CHSY3: variants seen among roughly 807,000 people sequenced by gnomAD.
CHSY3 encodes the protein N-acetylgalactosaminyl-proteoglycan 3-beta-glucuronosyltransferase 3.
In CHSY3, 35 loss-of-function variants were observed where a neutral mutation model predicts 67.2. The ratio of observed to expected loss-of-function variants is 0.52; its 90% confidence interval spans 0.40 to 0.69. The LOEUF (loss-of-function observed/expected upper bound fraction) is 0.69, where lower values mean the gene tolerates loss of function less well. CHSY3 is among the 30% of genes least tolerant of loss of function. The pLI, the probability that CHSY3 is intolerant of heterozygous loss-of-function variation, is 0.00. For missense variants in CHSY3, 1,069 were observed against 1,138.5 expected (o/e 0.94, Z 0.88); for synonymous variants, 474 against 434.7 (o/e 1.09, Z -1.12).
In CHSY3 at chr5:130,022,699, C is replaced by T. The variant is rs1764428496; in HGVS notation, c.1086+114339C>T. On this transcript the variant is annotated intron_variant, in intron 2 of 2. Coordinates refer to ENST00000305031, the MANE Select transcript of CHSY3 (RefSeq NM_175856.5). ...TTAATGATTTTACATTTAACAGTTGCTAATTTATTCAGATACCTTCCATGA... is the reference window on the plus strand; with the variant it reads ...TTAATGATTTTACATTTAACAGTTGTTAATTTATTCAGATACCTTCCATGA... 2.0e-5 allele frequency among the ~76,000 whole-genome samples: 3 copies of T among 151,906 alleles called. No homozygotes were observed. The South Asian group carries it at 6.2e-4, about 31-fold the overall frequency.
chr5:130,022,167 G>C (rs994657798), intron 2 of CHSY3, among the ~76,000 whole-genome samples: 4 of 151,932 alleles, frequency 2.6e-5, no homozygotes, highest in Admixed American at 2.0e-4. Flanking sequence ...CTATACCCAG[G>C]GGATTAATGA....
chr5:130,109,693 T>C (rs934526786), intron 2 of CHSY3, among the ~76,000 whole-genome samples: 1 of 146,258 alleles, frequency 6.8e-6, no homozygotes, highest in South Asian at 2.1e-4. Context: ...AGGAGAGTAA[T>C]TTTTTTTTTA....
intron 2 of CHSY3, among the ~76,000 whole-genome samples, chr5:130,029,951 G>A (rs1764659505): frequency 6.6e-6 from 1 of 152,056 alleles, no homozygotes; most frequent in Admixed American, 6.6e-5. Flanking sequence ...AGAAGTAGTG[G>A]ATTATACCTT....
chr5:130,088,409 A>G (rs1309079786), intron 2 of CHSY3, among the ~76,000 whole-genome samples: 2 of 151,030 alleles, frequency 1.3e-5, no homozygotes, highest in Non-Finnish European at 2.9e-5. Context: ...TCTGCACAGC[A>G]AAAGAAATTA....
chr5:130,161,499 T>A (rs1038891185), intron 2 of CHSY3, among the ~76,000 whole-genome samples: 6 of 152,196 alleles, frequency 3.9e-5, no homozygotes, highest in African/African-American at 1.4e-4. Flanking sequence ...CTTTCTGGAA[T>A]TGCATTCTAT....
rs561516162 is a variant in CHSY3 at position 129,939,094 on chromosome 5, A to G, written c.1086+30734A>G. Among the ~76,000 whole-genome samples the G allele has an allele frequency of 9.8e-4, 149 of 152,272 alleles. 1 individual carries two copies. The highest frequency in any genetic ancestry group is 7.7e-3 in the East Asian group (40 of 5,186). ...TTGGGGAGCCCTCAGGAAACTTACA[A>G]TCATGCCAGAAGCTTACAGGGAAGT... is the stretch of plus-strand genomic sequence containing the variant. On this transcript the variant is annotated intron_variant, in intron 2 of 2. Transcript: ENST00000305031.
At chr5:129,983,382 C>A (rs1763076958) in intron 2 of CHSY3, among the ~76,000 whole-genome samples, 1 of 151,954 alleles carries the variant, frequency 6.6e-6, no homozygotes, top group Non-Finnish European at 1.5e-5. Flanking sequence ...CCTCCTACAT[C>A]CATATTTGTC....
intron 2 of CHSY3, among the ~76,000 whole-genome samples, chr5:130,120,921 T>G (rs1487615570): frequency 6.6e-6 from 1 of 152,198 alleles, no homozygotes; most frequent in East Asian, 1.9e-4. Flanking sequence ...ATGGACCACC[T>G]TGAAGAAGAG....
intron 2 of CHSY3, among the ~76,000 whole-genome samples, chr5:130,014,017 G>A (rs1475035728): frequency 1.3e-5 from 2 of 152,132 alleles, no homozygotes; most frequent in Admixed American, 1.3e-4. Context: ...TATCCCTAAA[G>A]CACTGCACAA....
chr5:130,080,936 G>A (rs902906010), intron 2 of CHSY3, among the ~76,000 whole-genome samples: 3 of 152,038 alleles, frequency 2.0e-5, no homozygotes, highest in East Asian at 1.9e-4. Context: ...TGATTACTCC[G>A]CCACACAATG....
rs1018024145 is a variant in CHSY3, at chr5:130,185,993, T to G, written c.*202T>G. On this transcript the variant is annotated 3_prime_UTR_variant, in exon 3 of 3. Transcript: ENST00000305031. Reference sequence around the variant, plus strand: ...GAAGAGTCTGCAGTTCACTGATGTTTCAGATTTCTACTGAAGTCAATATGT... The same window carrying G: ...GAAGAGTCTGCAGTTCACTGATGTTGCAGATTTCTACTGAAGTCAATATGT... 3.1e-6 allele frequency: 1 copy of G among 324,848 alleles called. No homozygotes were observed. Among genetic ancestry groups the G allele is most frequent in the African/African-American group, 2.1e-5 (1 of 46,950 alleles). The allele number at this position is 324,848 out of a possible 1,614,324, so 20.1% of individuals were successfully genotyped here. A position where few individuals can be genotyped will look rare whatever the true frequency, so the allele number is the denominator to read the frequency against.
At chr5:130,054,644 A>C (rs891860927) in intron 2 of CHSY3, among the ~76,000 whole-genome samples, 3 of 152,182 alleles carry the variant, frequency 2.0e-5, no homozygotes, top group African/African-American at 7.2e-5. Flanking sequence ...ACAGGGTTTC[A>C]TGGGAATTAA....
At chr5:130,005,008 T>C (rs1763835443) in intron 2 of CHSY3, among the ~76,000 whole-genome samples, 1 of 152,092 alleles carries the variant, frequency 6.6e-6, no homozygotes, top group Non-Finnish European at 1.5e-5. Context: ...TAAAAGTATA[T>C]CATTTGAGGA....
chr5:130,004,535 T>C (rs1344821985), intron 2 of CHSY3, among the ~76,000 whole-genome samples: 1 of 152,182 alleles, frequency 6.6e-6, no homozygotes. Flanking sequence ...CTGTTTGTAT[T>C]TGTTGATAGT....
intron 2 of CHSY3, among the ~76,000 whole-genome samples, chr5:130,085,329 A>C (rs1766579669): frequency 6.6e-6 from 1 of 152,070 alleles, no homozygotes; most frequent in South Asian, 2.1e-4. Flanking sequence ...GCAGCCTTGA[A>C]AATATTACAA....
chr5:129,968,462 A>G (rs1305659742), intron 2 of CHSY3, among the ~76,000 whole-genome samples: 12 of 151,866 alleles, frequency 7.9e-5, no homozygotes, highest in Non-Finnish European at 1.6e-4. Context: ...TACAAAATGT[A>G]TTGTTCTACA....
At chr5:130,169,246 C>T (rs1459436220) in intron 2 of CHSY3, among the ~76,000 whole-genome samples, 1 of 152,080 alleles carries the variant, frequency 6.6e-6, no homozygotes, top group Non-Finnish European at 1.5e-5. Context: ...CCATTTCATA[C>T]ATAATGAATA....
chr5:130,162,057 A>AAAAAAAAAAAAAAAAAAAG (rs1554087189), intron 2 of CHSY3, among the ~76,000 whole-genome samples: 3 of 122,978 alleles, frequency 2.4e-5, no homozygotes, highest in East Asian at 2.3e-4. Flanking sequence ...AAAAAAAAAA[A>AAAAAAAAAAAAAAAAAAAG]AAAGAAAGAA....
At chr5:129,914,760 G>C (rs1345282020) in intron 2 of CHSY3, among the ~76,000 whole-genome samples, 1 of 152,166 alleles carries the variant, frequency 6.6e-6, no homozygotes, top group African/African-American at 2.4e-5. Flanking sequence ...TGTAGGCTTA[G>C]ATAGTTCATT....
Sources: allele counts gnomAD v4.1 joint callset (sites outside exome capture counted in the v4.1 genomes callset), GRCh38; gene constraint gnomAD v4.1.1; transcripts MANE v1.5; gene names NCBI Gene and HGNC (gene_info 2026-07-23, HGNC 2026-07-21).